The following FGF14 variants were observed in gnomAD, a reference collection of about 807,000 sequenced individuals.
FGF14 encodes the protein fibroblast growth factor homologous factor 4.
FGF14 carries 5 observed loss-of-function variants against 25.5 expected under a neutral mutation model. The observed-to-expected ratio is 0.20, with a 90% confidence interval of 0.10 to 0.41. FGF14 has a LOEUF of 0.41. Among genes scored for constraint, FGF14 ranks in the 10% least tolerant of loss-of-function variants. The pLI is 1.00. For missense variants in FGF14, 222 were observed against 320.1 expected (o/e 0.69, Z 2.34); for synonymous variants, 138 against 118.3 (o/e 1.17, Z -1.08).
chr13:101,945,990 TAATC>T (rs1006727008), intron 1 of FGF14, among the ~76,000 whole-genome samples: 1 of 152,212 alleles, frequency 6.6e-6, no homozygotes, highest in African/African-American at 2.4e-5. Context: ...CGTGAAGCCT[TAATC>T]AATTCTTAAT....
intron 3 of FGF14, among the ~76,000 whole-genome samples, chr13:101,818,732 A>T (rs2041965609): frequency 6.6e-6 from 1 of 152,216 alleles, no homozygotes; most frequent in Non-Finnish European, 1.5e-5. Flanking sequence ...GCTTTCAGAG[A>T]GTAACACAAC....
intron 1 of FGF14, among the ~76,000 whole-genome samples, chr13:102,253,673 G>A (rs990911676): frequency 6.6e-6 from 1 of 152,076 alleles, no homozygotes; most frequent in Admixed American, 6.5e-5. Context: ...AGTTTAATAA[G>A]ATCCCATGTG....
chr13:102,092,925 G>C (rs1238199128), intron 1 of FGF14, among the ~76,000 whole-genome samples: 1 of 152,162 alleles, frequency 6.6e-6, no homozygotes, highest in Non-Finnish European at 1.5e-5. Flanking sequence ...GCAGCATGAA[G>C]CATAAGGTTA....
At chr13:101,747,260 T>G (rs2036949859) in intron 3 of FGF14, among the ~76,000 whole-genome samples, 1 of 152,042 alleles carries the variant, frequency 6.6e-6, no homozygotes, top group Admixed American at 6.6e-5. Flanking sequence ...TCATCAAGAC[T>G]GTGTGATTCA....
At chr13:101,973,723 G>A (rs906746951) in intron 1 of FGF14, among the ~76,000 whole-genome samples, 9 of 152,074 alleles carry the variant, frequency 5.9e-5, no homozygotes, top group African/African-American at 1.9e-4. Flanking sequence ...CTGATGAGAT[G>A]GTGCCCTCCC....
At chr13:102,344,274 G>A (rs1280320156) in intron 1 of FGF14, among the ~76,000 whole-genome samples, 1 of 152,238 alleles carries the variant, frequency 6.6e-6, no homozygotes, top group East Asian at 1.9e-4. Flanking sequence ...ACGATTTCTG[G>A]TAAAGATCCT....
At chr13:102,217,149 A>C (rs779472790) in intron 1 of FGF14, among the ~76,000 whole-genome samples, 2 of 152,162 alleles carry the variant, frequency 1.3e-5, no homozygotes, top group Non-Finnish European at 2.9e-5. Flanking sequence ...TATTGTTTTC[A>C]TTTCCTTTAC....
chr13:101,951,057 G>A (rs1232859745), intron 1 of FGF14, among the ~76,000 whole-genome samples: 1 of 152,092 alleles, frequency 6.6e-6, no homozygotes, highest in Non-Finnish European at 1.5e-5. Flanking sequence ...TCTAACTAAA[G>A]AAAATAGCTA....
At chr13:102,073,121 A>G (rs1303180211) in intron 1 of FGF14, among the ~76,000 whole-genome samples, 1 of 152,160 alleles carries the variant, frequency 6.6e-6, no homozygotes, top group Non-Finnish European at 1.5e-5. Context: ...GTGTGGTGGC[A>G]CATACCTGTA....
At chr13:102,009,934 A>G (rs937255199) in intron 1 of FGF14, among the ~76,000 whole-genome samples, 1 of 152,232 alleles carries the variant, frequency 6.6e-6, no homozygotes, top group African/African-American at 2.4e-5. Flanking sequence ...CCAATTCTTC[A>G]TAGAAACCTT....
At chr13:102,200,173 A>G (rs1353324553) in intron 1 of FGF14, among the ~76,000 whole-genome samples, 1 of 152,202 alleles carries the variant, frequency 6.6e-6, no homozygotes, top group African/African-American at 2.4e-5. Context: ...AAATATATGT[A>G]TATATTTATA....
intron 3 of FGF14, among the ~76,000 whole-genome samples, chr13:101,831,116 A>G (rs1445926575): frequency 1.3e-5 from 2 of 152,030 alleles, no homozygotes; most frequent in Non-Finnish European, 2.9e-5. Context: ...CAATGTGAAC[A>G]TTTTGGTGGG....
At chr13:101,791,369 C>T (rs1020429567) in intron 3 of FGF14, among the ~76,000 whole-genome samples, 1 of 152,164 alleles carries the variant, frequency 6.6e-6, no homozygotes, top group Non-Finnish European at 1.5e-5. Context: ...TTTCTACACT[C>T]ACCACTCCTA....
chr13:102,300,939 ACACACAC>A (rs1594780666), intron 1 of FGF14, among the ~76,000 whole-genome samples: 2 of 11,844 alleles, frequency 1.7e-4, no homozygotes, highest in East Asian at 0.013. Context: ...ACACACACAT[ACACACAC>A]ACACACACAC....
chr13:102,248,589 G>C (rs577951424), intron 1 of FGF14, among the ~76,000 whole-genome samples: 1 of 152,240 alleles, frequency 6.6e-6, no homozygotes, highest in East Asian at 1.9e-4. Flanking sequence ...AGTACAGAGT[G>C]GGAGAGGGAG....
chr13:101,880,826 C>T (rs1384833303), intron 1 of FGF14, among the ~76,000 whole-genome samples: 2 of 152,048 alleles, frequency 1.3e-5, no homozygotes, highest in Non-Finnish European at 2.9e-5. Context: ...TTTATTGAAC[C>T]GAATTCACTT....
intron 3 of FGF14, among the ~76,000 whole-genome samples, chr13:101,814,119 A>T (rs757996283): frequency 8.5e-5 from 13 of 152,254 alleles, no homozygotes; most frequent in Non-Finnish European, 1.5e-4. Flanking sequence ...AATATTTGCT[A>T]CAAAAAGCAT....
intron 1 of FGF14, among the ~76,000 whole-genome samples, chr13:102,000,867 G>T (rs887037717): frequency 1.3e-5 from 2 of 152,174 alleles, no homozygotes; most frequent in Admixed American, 1.3e-4. Context: ...ATAATCAACT[G>T]AAACTATAAA....
intron 1 of FGF14, among the ~76,000 whole-genome samples, chr13:102,153,101 G>A (rs901382837): frequency 1.3e-5 from 2 of 152,052 alleles, no homozygotes; most frequent in African/African-American, 4.8e-5. Flanking sequence ...GCGATTAACC[G>A]AATTCAAAAT....
Sources: gnomAD v4.1 joint callset for allele counts (sites outside exome capture counted in the v4.1 genomes callset) on GRCh38, gnomAD v4.1.1 for gene constraint, MANE v1.5 for transcripts, NCBI Gene and HGNC (gene_info 2026-07-23, HGNC 2026-07-21) for gene names.